Variants in DLG2 observed in about 807,000 individuals in gnomAD.
The protein encoded by DLG2 is discs large MAGUK scaffold protein 2.
In DLG2, 45 loss-of-function variants were observed where a neutral mutation model predicts 132.5. The observed-to-expected ratio is 0.34, with a 90% CI of 0.27 to 0.44. The LOEUF (loss-of-function observed/expected upper bound fraction) is 0.44, where lower values mean the gene tolerates loss of function less well. Ranked by LOEUF, DLG2 falls within the 20% of genes least tolerant of loss-of-function variation. The pLI, the probability that DLG2 is intolerant of heterozygous loss-of-function variation, is 1.00. For synonymous variants in DLG2, 424 were observed against 419.6 expected (o/e 1.01, Z -0.13); for missense variants, 1,045 against 1,196.9 (o/e 0.87, Z 1.87).
At chr11:83,889,952 G>GAACATCACAC (rs2069214196) in intron 15 of DLG2, among the ~76,000 whole-genome samples, 1 of 117,854 alleles carries the variant, frequency 8.5e-6, no homozygotes, top group Non-Finnish European at 1.7e-5. Context: ...ACACTCTGGG[G>GAACATCACAC]ACTGTTGTGG....
intron 6 of DLG2, among the ~76,000 whole-genome samples, chr11:84,550,686 C>CAT (rs1160385913): frequency 6.6e-6 from 1 of 152,176 alleles, no homozygotes; most frequent in African/African-American, 2.4e-5. Context: ...GGTCGATTGG[C>CAT]ATATATATCC....
At chr11:84,899,082 C>T (rs2090564308) in intron 6 of DLG2, among the ~76,000 whole-genome samples, 1 of 151,882 alleles carries the variant, frequency 6.6e-6, no homozygotes, top group South Asian at 2.1e-4. Context: ...CAATTCCGGC[C>T]AACAGAATAG....
At chr11:84,671,789 A>G (rs2099706167) in intron 6 of DLG2, among the ~76,000 whole-genome samples, 1 of 152,100 alleles carries the variant, frequency 6.6e-6, no homozygotes, top group Non-Finnish European at 1.5e-5. Flanking sequence ...GTCAGTCACT[A>G]CTCAGAACAG....
chr11:85,573,854 A>C (rs2077989938), intron 3 of DLG2, among the ~76,000 whole-genome samples: 1 of 152,180 alleles, frequency 6.6e-6, no homozygotes, highest in African/African-American at 2.4e-5. Flanking sequence ...TGTGTTAATA[A>C]ATCATGTAGA....
intron 6 of DLG2, among the ~76,000 whole-genome samples, chr11:84,973,565 T>G (rs2054418703): frequency 6.6e-6 from 1 of 152,328 alleles, no homozygotes; most frequent in Non-Finnish European, 1.5e-5. Flanking sequence ...AGTGCATTAT[T>G]AATTTCATTA....
intron 15 of DLG2, among the ~76,000 whole-genome samples, chr11:83,918,242 C>T (rs1004875853): frequency 9.2e-5 from 14 of 152,074 alleles, no homozygotes; most frequent in African/African-American, 2.2e-4. Flanking sequence ...CAACAGTATA[C>T]GTATAGGTGA....
At chr11:85,082,012 T>A (rs1270635845) in intron 6 of DLG2, among the ~76,000 whole-genome samples, 1 of 152,168 alleles carries the variant, frequency 6.6e-6, no homozygotes, top group Non-Finnish European at 1.5e-5. Flanking sequence ...TTTCATCATA[T>A]TTTTAATGGC....
At chr11:83,503,386 T>G (rs374093454) in intron 21 of DLG2, among the ~76,000 whole-genome samples, 2 of 38,978 alleles carry the variant, frequency 5.1e-5, no homozygotes, top group African/African-American at 1.2e-4. Context: ...TATATATATA[T>G]ATATATATAT....
intron 6 of DLG2, among the ~76,000 whole-genome samples, chr11:84,898,895 T>C (rs982491372): frequency 3.9e-5 from 6 of 152,090 alleles, no homozygotes; most frequent in African/African-American, 1.4e-4. Flanking sequence ...TTACAGCTAT[T>C]ATTACACTTT....
At chr11:85,279,332 A>T (rs975869962) in intron 4 of DLG2, among the ~76,000 whole-genome samples, 4 of 152,144 alleles carry the variant, frequency 2.6e-5, no homozygotes, top group Non-Finnish European at 5.9e-5. Context: ...CAGATGCTCA[A>T]TAAGTGATAA....
At position 84,699,232 on chromosome 11, in the gene DLG2, T is replaced by G. The variant is rs74401247; in HGVS notation, c.358-164501A>C. Among the ~76,000 whole-genome samples, 914 of 151,724 alleles carry G rather than the reference T, an allele frequency of 6.0e-3. 4 individuals carry two copies. Among genetic ancestry groups the G allele is most frequent in the Non-Finnish European group, 0.01 (694 of 67,704 alleles). ...CAAAGAAACCTGGATTTGATTCTTA[T>G]TAACTGTAAGTGCTTGGGCATGTTC... On this transcript the variant is annotated intron_variant, in intron 6 of 27. Coordinates refer to ENST00000376104, the MANE Select transcript of DLG2 (RefSeq NM_001142699.3).
intron 6 of DLG2, among the ~76,000 whole-genome samples, chr11:84,773,809 T>C (rs1386081538): frequency 6.6e-6 from 1 of 152,138 alleles, no homozygotes; most frequent in Non-Finnish European, 1.5e-5. Context: ...AAGCCTTCTA[T>C]GACAAACCCA....
intron 6 of DLG2, among the ~76,000 whole-genome samples, chr11:84,773,984 G>T (rs1456853642): frequency 6.6e-6 from 1 of 152,028 alleles, no homozygotes; most frequent in African/African-American, 2.4e-5. Flanking sequence ...AATAGGAAAA[G>T]AAGTCAAACT....
intron 12 of DLG2, among the ~76,000 whole-genome samples, chr11:83,978,356 C>T (rs2092467637): frequency 6.6e-6 from 1 of 151,946 alleles, no homozygotes; most frequent in East Asian, 1.9e-4. Flanking sequence ...CTAAGACAGT[C>T]ATTACTTGAG....
At chr11:84,977,229 A>G (rs969689786) in intron 6 of DLG2, among the ~76,000 whole-genome samples, 9 of 152,168 alleles carry the variant, frequency 5.9e-5, no homozygotes, top group Admixed American at 2.6e-4. Context: ...AGAAGGGTTC[A>G]ATCCTTCTGA....
At chr11:85,375,096 CT>C (rs1209009581) in intron 3 of DLG2, among the ~76,000 whole-genome samples, 16 of 135,410 alleles carry the variant, frequency 1.2e-4, no homozygotes, top group South Asian at 7.0e-4. Context: ...TTTTTCTTTT[CT>C]TTTTTTTTTA....
intron 6 of DLG2, among the ~76,000 whole-genome samples, chr11:85,027,212 G>T (rs1467506531): frequency 9.2e-6 from 1 of 108,192 alleles, no homozygotes; most frequent in Non-Finnish European, 1.7e-5. Flanking sequence ...TGCTGAAAGT[G>T]CATTTAGCAA....
intron 11 of DLG2, among the ~76,000 whole-genome samples, chr11:83,990,448 A>T (rs1592522024): frequency 6.6e-6 from 1 of 152,100 alleles, no homozygotes; most frequent in Non-Finnish European, 1.5e-5. Context: ...TCTTTTTCCC[A>T]TCCTGTAAAA....
intron 18 of DLG2, among the ~76,000 whole-genome samples, chr11:83,784,552 T>C (rs1243108205): frequency 1.3e-5 from 2 of 152,236 alleles, no homozygotes; most frequent in African/African-American, 4.8e-5. Flanking sequence ...CAGGTTTCTT[T>C]ACAAGCACTT....
Sources: gnomAD v4.1 joint callset for allele counts (sites outside exome capture counted in the v4.1 genomes callset) on GRCh38, gnomAD v4.1.1 for gene constraint, MANE v1.5 for transcripts, NCBI Gene and HGNC (gene_info 2026-07-23, HGNC 2026-07-21) for gene names.